Variants in CNTN5 observed in about 807,000 individuals in gnomAD.
CNTN5 encodes contactin 5.
In CNTN5, 77 loss-of-function variants were observed where a neutral mutation model predicts 129.1. The ratio of observed to expected loss-of-function variants is 0.60; its 90% CI spans 0.50 to 0.72. CNTN5 has a LOEUF of 0.72. Among genes scored for constraint, CNTN5 ranks in the 30% least tolerant of loss-of-function variants. The probability of loss-of-function intolerance (pLI) is 0.00; values close to 1 mark genes in which losing one functional copy is unlikely to be tolerated. For synonymous variants in CNTN5, 509 were observed against 465.6 expected (o/e 1.09, Z -1.20); for missense variants, 1,478 against 1,328.8 (o/e 1.11, Z -1.75).
chr11:100,074,824 T>C (rs1011000612), intron 13 of CNTN5, among the ~76,000 whole-genome samples: 1 of 152,160 alleles, frequency 6.6e-6, no homozygotes, highest in African/African-American at 2.4e-5. Flanking sequence ...ATATTTAATA[T>C]GTAAACATTT....
chr11:99,489,290 T>G (rs547842239), intron 2 of CNTN5, among the ~76,000 whole-genome samples: 15 of 152,146 alleles, frequency 9.9e-5, no homozygotes, highest in African/African-American at 3.1e-4. Flanking sequence ...TAGAGAGTCA[T>G]GTAACTGGAT....
chr11:99,398,120 C>T (rs530595313), intron 2 of CNTN5, among the ~76,000 whole-genome samples: 2 of 151,874 alleles, frequency 1.3e-5, no homozygotes, highest in Non-Finnish European at 2.9e-5. Context: ...TATTCCTTAA[C>T]GCCAGTTACA....
At chr11:99,731,117 T>C (rs1386899600) in intron 3 of CNTN5, among the ~76,000 whole-genome samples, 1 of 135,298 alleles carries the variant, frequency 7.4e-6, no homozygotes, top group Admixed American at 7.5e-5. Flanking sequence ...TTTTTTTTTC[T>C]TTTTTTTTTG....
chr11:99,592,620 TC>T (rs1950012703), intron 3 of CNTN5, among the ~76,000 whole-genome samples: 2 of 151,628 alleles, frequency 1.3e-5, no homozygotes, highest in African/African-American at 4.9e-5. Flanking sequence ...GTTGAAGCGT[TC>T]AAAAAATTAG....
intron 2 of CNTN5, among the ~76,000 whole-genome samples, chr11:99,454,299 C>G (rs117459646): frequency 0.031 from 4,763 of 152,092 alleles, 104 homozygotes; most frequent in Middle Eastern, 0.051. Context: ...GTGTTCCCAC[C>G]CAAATCTTAT....
intron 1 of CNTN5, among the ~76,000 whole-genome samples, chr11:99,269,384 C>T (rs1396252679): frequency 1.3e-5 from 2 of 150,888 alleles, no homozygotes; most frequent in Admixed American, 6.6e-5. Flanking sequence ...GATAAACAAA[C>T]TAATAATATA....
intron 7 of CNTN5, among the ~76,000 whole-genome samples, chr11:99,930,418 A>G (rs1950164359): frequency 6.6e-6 from 1 of 152,038 alleles, no homozygotes. Context: ...TTGTTGCCCA[A>G]AAGCTCAAGG....
chr11:99,115,313 T>C lies in CNTN5; in HGVS notation c.-210+94043T>C, dbSNP rs1180061843. On this transcript the variant is annotated intron_variant, in intron 1 of 24. Coordinates refer to ENST00000524871, the MANE Select transcript of CNTN5 (RefSeq NM_014361.4). ...ATTTGTGAATGGGCACAAAAATAAC[T>C]ATCTTGTACATCTTTTAGAAGGAAA... Among the ~76,000 whole-genome samples the C allele has an allele frequency of 3.3e-5, 5 of 152,340 alleles. No individual in the cohort carries two copies. The East Asian group carries it at 9.6e-4, about 29-fold the overall frequency.
intron 3 of CNTN5, among the ~76,000 whole-genome samples, chr11:99,688,777 G>A (rs1363493388): frequency 6.6e-6 from 1 of 151,960 alleles, no homozygotes; most frequent in African/African-American, 2.4e-5. Context: ...CCTCTGACAG[G>A]CCCCAGTGTG....
chr11:99,818,718 C>T (rs1446048371), intron 3 of CNTN5, among the ~76,000 whole-genome samples: 2 of 152,024 alleles, frequency 1.3e-5, no homozygotes, highest in African/African-American at 4.8e-5. Flanking sequence ...CTTATTGTTT[C>T]TTATGGACAT....
intron 6 of CNTN5, among the ~76,000 whole-genome samples, chr11:99,883,617 A>G (rs1948826623): frequency 6.6e-6 from 1 of 152,242 alleles, no homozygotes. Flanking sequence ...AAAACAAAAC[A>G]GTGAAAACAA....
chr11:99,835,836 T>A (rs1947285072), intron 4 of CNTN5, among the ~76,000 whole-genome samples: 1 of 152,114 alleles, frequency 6.6e-6, no homozygotes, highest in African/African-American at 2.4e-5. Context: ...GCTAGCTAAG[T>A]AGTAAGCAAT....
At chr11:99,474,811 T>C (rs1363549206) in intron 2 of CNTN5, among the ~76,000 whole-genome samples, 1 of 152,198 alleles carries the variant, frequency 6.6e-6, no homozygotes, top group Non-Finnish European at 1.5e-5. Context: ...ACACTCTTTC[T>C]AGCACCCCCT....
intron 2 of CNTN5, among the ~76,000 whole-genome samples, chr11:99,363,817 T>C (rs745375188): frequency 2.6e-5 from 4 of 152,158 alleles, no homozygotes; most frequent in Non-Finnish European, 5.9e-5. Context: ...CAATAATCTT[T>C]CATAGTTATG....
intron 1 of CNTN5, among the ~76,000 whole-genome samples, chr11:99,164,909 C>A (rs1860802466): frequency 6.6e-6 from 1 of 152,008 alleles, no homozygotes; most frequent in African/African-American, 2.4e-5. Context: ...CTCTACATAG[C>A]GAGATGTTTG....
intron 3 of CNTN5, among the ~76,000 whole-genome samples, chr11:99,817,614 T>C (rs1354520529): frequency 2.0e-5 from 3 of 148,964 alleles, no homozygotes; most frequent in African/African-American, 7.4e-5. Context: ...TTTTTTTTTT[T>C]TTTTTTCCTT....
In CNTN5 at chr11:100,145,694, G is replaced by C. The variant is rs147708548; in HGVS notation, c.1581-45432G>C. Among the ~76,000 whole-genome samples the C allele has an allele frequency of 1.8e-3, 273 of 152,184 alleles. 3 individuals carry two copies. The highest frequency in any genetic ancestry group is 6.2e-3 in the African/African-American group (257 of 41,552). ...GAGATACAGAAAGGCTTATTGACTT[G>C]CTTTTGGCTACATGGCCTGAAATTC... On this transcript the variant is annotated intron_variant, in intron 13 of 24. Transcript: ENST00000524871.
At chr11:99,899,128 G>C (rs1319664019) in intron 6 of CNTN5, among the ~76,000 whole-genome samples, 2 of 152,022 alleles carry the variant, frequency 1.3e-5, no homozygotes, top group Non-Finnish European at 2.9e-5. Context: ...TCTTCTAGAA[G>C]AGTCTTTAGG....
chr11:99,927,961 C>T (rs1950101627), intron 7 of CNTN5, among the ~76,000 whole-genome samples: 1 of 152,192 alleles, frequency 6.6e-6, no homozygotes, highest in Admixed American at 6.5e-5. Context: ...AAGTTAGTTA[C>T]TTCCTACATA....
Sources: allele counts gnomAD v4.1 joint callset (sites outside exome capture counted in the v4.1 genomes callset), GRCh38; gene constraint gnomAD v4.1.1; transcripts MANE v1.5; gene names NCBI Gene and HGNC (gene_info 2026-07-23, HGNC 2026-07-21).